NRG3: variants seen among roughly 807,000 people sequenced by gnomAD.
NRG3 encodes the protein pro-neuregulin-3, membrane-bound isoform.
Under a neutral mutation model 66.9 loss-of-function variants are expected in NRG3, and 31 were observed. The observed-to-expected ratio is 0.46, with a 90% confidence interval of 0.35 to 0.63. NRG3 has a LOEUF of 0.63. Among genes scored for constraint, NRG3 ranks in the 20% least tolerant of loss-of-function variants. NRG3 has a pLI of 0.00. For missense variants in NRG3, 910 were observed against 878.9 expected, an observed-to-expected ratio of 1.04 and a Z score of -0.45; for synonymous variants, 393 against 359.4, an observed-to-expected ratio of 1.09 and a Z score of -1.06.
intron 2 of NRG3, among the ~76,000 whole-genome samples, chr10:82,565,123 G>A (rs1212062021): frequency 6.6e-6 from 1 of 152,132 alleles, no homozygotes; most frequent in Non-Finnish European, 1.5e-5. Flanking sequence ...GCAGACCTAA[G>A]ATGGAATAAT....
chr10:82,689,692 C>T (rs1215580316), intron 2 of NRG3, among the ~76,000 whole-genome samples: 1 of 152,150 alleles, frequency 6.6e-6, no homozygotes, highest in African/African-American at 2.4e-5. Flanking sequence ...TTCATTACCA[C>T]AAACTGAAGT....
intron 1 of NRG3, among the ~76,000 whole-genome samples, chr10:81,901,807 G>A (rs1406589854): frequency 6.6e-6 from 1 of 152,182 alleles, no homozygotes; most frequent in East Asian, 1.9e-4. Context: ...AGGTTATGAG[G>A]AGAGATTGTG....
chr10:82,083,380 C>T (rs547872380), intron 1 of NRG3, among the ~76,000 whole-genome samples: 1 of 152,082 alleles, frequency 6.6e-6, no homozygotes, highest in East Asian at 1.9e-4. Context: ...ATTTGTTTGT[C>T]TCCAGCCTGA....
In NRG3 at chr10:82,331,622, T is replaced by G. The variant is rs549600839; in HGVS notation, c.824-27117T>G. Among the ~76,000 whole-genome samples, 8 of 152,338 alleles carry G rather than the reference T, an allele frequency of 5.3e-5. No individual in the cohort carries two copies. In the South Asian group the frequency reaches 1.7e-3, roughly 32 times the overall value. On this transcript the variant is annotated intron_variant, in intron 1 of 8. Coordinates refer to ENST00000372141, the MANE Select transcript of NRG3 (RefSeq NM_001010848.4). ...AAGGAAAAAAAAATTATGTTTTAAC[T>G]TGGTCACTCCCCACTGAGGAACTAT...
At chr10:81,897,996 T>C (rs1843679058) in intron 1 of NRG3, among the ~76,000 whole-genome samples, 1 of 152,182 alleles carries the variant, frequency 6.6e-6, no homozygotes, top group Admixed American at 6.5e-5. Context: ...CCAATCAGTC[T>C]CTTTTTTAGA....
intron 1 of NRG3, among the ~76,000 whole-genome samples, chr10:82,079,592 T>A (rs10736177): frequency 6.6e-6 from 1 of 152,060 alleles, no homozygotes; most frequent in African/African-American, 2.4e-5. Flanking sequence ...AATAGTTTCA[T>A]TGCCGTAAAA....
chr10:82,448,092 G>A (rs2090831727), intron 2 of NRG3, among the ~76,000 whole-genome samples: 1 of 152,204 alleles, frequency 6.6e-6, no homozygotes. Flanking sequence ...CAAGAAATGT[G>A]CATCCCTAAG....
At chr10:81,983,360 A>G (rs549596517) in intron 1 of NRG3, among the ~76,000 whole-genome samples, 1 of 152,212 alleles carries the variant, frequency 6.6e-6, no homozygotes, top group Non-Finnish European at 1.5e-5. Flanking sequence ...TTCACAGCAC[A>G]CCCCTCTTTA....
At chr10:82,334,795 T>A (rs563839466) in intron 1 of NRG3, among the ~76,000 whole-genome samples, 75 of 152,178 alleles carry the variant, frequency 4.9e-4, no homozygotes, top group Admixed American at 8.5e-4. Context: ...AATGGAATAA[T>A]ATGCAGTTCT....
intron 2 of NRG3, among the ~76,000 whole-genome samples, chr10:82,582,724 C>A (rs2046434057): frequency 6.6e-6 from 1 of 151,654 alleles, no homozygotes; most frequent in African/African-American, 2.4e-5. Context: ...CACATGAACA[C>A]ACATAAATGT....
chr10:82,017,780 G>A (rs1330255869), intron 1 of NRG3, among the ~76,000 whole-genome samples: 1 of 152,282 alleles, frequency 6.6e-6, no homozygotes, highest in South Asian at 2.1e-4. Context: ...ACTTGTTGAT[G>A]GGGTTGTTTG....
At chr10:82,527,863 T>C (rs1846867792) in intron 2 of NRG3, among the ~76,000 whole-genome samples, 1 of 151,662 alleles carries the variant, frequency 6.6e-6, no homozygotes, top group Admixed American at 6.6e-5. Flanking sequence ...GTAGCAGTTT[T>C]ATACAGTCTT....
chr10:82,276,810 A>G (rs2078872463), intron 1 of NRG3, among the ~76,000 whole-genome samples: 1 of 152,040 alleles, frequency 6.6e-6, no homozygotes. Flanking sequence ...CATGTAATAC[A>G]CACTCAAAAT....
At chr10:82,220,053 G>GT (rs1156574908) in intron 1 of NRG3, among the ~76,000 whole-genome samples, 3 of 151,882 alleles carry the variant, frequency 2.0e-5, no homozygotes, top group Non-Finnish European at 4.4e-5. Context: ...GAAGACGTGA[G>GT]TAGAGAAAAA....
intron 1 of NRG3, among the ~76,000 whole-genome samples, chr10:82,255,973 G>A (rs926636053): frequency 2.6e-5 from 4 of 151,914 alleles, no homozygotes; most frequent in African/African-American, 7.3e-5. Flanking sequence ...ACCCAGGCTG[G>A]AGTTCAGTGG....
rs959803647 is a variant in NRG3, at chr10:82,476,869, A to G, written c.953+118001A>G. ...TAAGAAATTTAACATAATGTATATTATACTACAATAAAAAATAGTAAAGTT... is the reference window on the plus strand; with the variant it reads ...TAAGAAATTTAACATAATGTATATTGTACTACAATAAAAAATAGTAAAGTT... On this transcript the variant is annotated intron_variant, in intron 2 of 8. Coordinates refer to ENST00000372141, the MANE Select transcript of NRG3 (RefSeq NM_001010848.4). Among the ~76,000 whole-genome samples, 3 of 152,204 alleles carry G rather than the reference A, an allele frequency of 2.0e-5. No homozygotes were observed. The South Asian group carries it at 6.2e-4, about 31-fold the overall frequency.
intron 1 of NRG3, among the ~76,000 whole-genome samples, chr10:82,132,546 T>TCATATATATATATATATCATATATATATG (rs1564594057): frequency 7.5e-6 from 1 of 134,064 alleles, no homozygotes; most frequent in African/African-American, 2.8e-5. Context: ...GATATATATA[T>TCATATATATATATATATCATATATATATG]ATCTTTGTCT....
intron 1 of NRG3, among the ~76,000 whole-genome samples, chr10:81,892,036 T>A (rs891190014): frequency 1.1e-4 from 17 of 152,202 alleles, no homozygotes; most frequent in African/African-American, 4.1e-4. Flanking sequence ...TGGACATTTG[T>A]CAGTTTGGCA....
intron 1 of NRG3, among the ~76,000 whole-genome samples, chr10:81,977,684 C>T (rs1160556176): frequency 6.6e-6 from 1 of 152,092 alleles, no homozygotes; most frequent in Non-Finnish European, 1.5e-5. Context: ...TAAATGAAAA[C>T]ACTCTGTGGT....
Sources: allele counts gnomAD v4.1 joint callset (sites outside exome capture counted in the v4.1 genomes callset), GRCh38; gene constraint gnomAD v4.1.1; transcripts MANE v1.5; gene names NCBI Gene and HGNC (gene_info 2026-07-23, HGNC 2026-07-21).